The following SVIL variants were observed in gnomAD, a reference collection of about 807,000 sequenced individuals.
SVIL encodes the protein supervillin.
In SVIL, 101 loss-of-function variants were observed where a neutral mutation model predicts 240.4. The ratio of observed to expected loss-of-function variants is 0.42; its 90% CI spans 0.36 to 0.50. The LOEUF is 0.50. SVIL is among the 20% of genes least tolerant of loss of function. SVIL has a pLI of 0.01. For missense variants in SVIL, 2,512 were observed against 2,818.7 expected, an observed-to-expected ratio of 0.89 and a Z score of 2.46; for synonymous variants, 999 against 1,100.0, an observed-to-expected ratio of 0.91 and a Z score of 1.82.
At chr10:29,569,427 T>C (rs1415706502) in intron 1 of SVIL, 115 bp from the exon 2 acceptor site, 1 of 348,266 alleles carries the variant, frequency 2.9e-6, no homozygotes, top group Non-Finnish European at 4.0e-6. Context: ...AAGAAAACCA[T>C]TAACCAGACA....
rs1416551029 is a variant in SVIL at position 29,524,002 on chromosome 10, A to C, written c.2612T>G (p.Phe871Cys). 5.6e-6 allele frequency: 9 copies of C among 1,613,010 alleles called. No individual in the cohort carries two copies. The highest frequency in any genetic ancestry group is 1.7e-5 in the Admixed American group (1 of 59,870). Residue 871 changes from phenylalanine (F) to cysteine (C), a missense_variant, in exon 15 of 38, where the codon TTC becomes TGC. By Grantham distance (205) the Phe-to-Cys change is radical (BLOSUM62 -2). This residue lies in a region of SVIL where 1,443 missense variants were observed against 1,486.6 expected (regional missense o/e 0.97). Transcript: ENST00000355867. ...EQVQSGKLIP[F>C]SPAVNTSVST... ...CACTGATGTGTTCACGGCAGGTGAG[A>C]AAGGAATGAGCTTTCCACTCTGCAC... is the stretch of plus-strand genomic sequence containing the variant.
chr10:29,683,110 T>C (rs1055545273), intron 2 of SVIL, among the ~76,000 whole-genome samples: 1 of 152,210 alleles, frequency 6.6e-6, no homozygotes, highest in Non-Finnish European at 1.5e-5. Context: ...CTTCAATCAG[T>C]ACTTGTAAGA....
At chr10:29,663,011 G>C (rs193257441) in intron 2 of SVIL, among the ~76,000 whole-genome samples, 10 of 152,276 alleles carry the variant, frequency 6.6e-5, no homozygotes, top group African/African-American at 1.9e-4. Flanking sequence ...TACTTGGAAG[G>C]CTGAGGCTGG....
intron 1 of SVIL, chr10:29,602,427 G>T (rs1228102668): frequency 2.6e-6 from 1 of 386,482 alleles, no homozygotes; most frequent in African/African-American, 2.1e-5. Flanking sequence ...AGGCCCCAAA[G>T]GCTCAGAGGT....
intron 16 of SVIL, among the ~76,000 whole-genome samples, chr10:29,513,283 A>C (rs543662823): frequency 2.9e-4 from 44 of 152,354 alleles, no homozygotes; most frequent in African/African-American, 1.0e-3. Context: ...TTAAAAACAT[A>C]AAGCTGGCCA....
At position 29,506,664 on chromosome 10, in the gene SVIL, G is replaced by A. The variant is rs867522146; in HGVS notation, c.3516+6071C>T. 1.1e-3 allele frequency among the ~76,000 whole-genome samples: 106 copies of A among 99,974 alleles called. 1 individual carries two copies. Among genetic ancestry groups the A allele is most frequent in the African/African-American group, 2.3e-3 (72 of 30,724 alleles). 65.6% of individuals were successfully genotyped at this position (99,974 alleles called of 152,430 possible). The stretch of plus-strand genomic sequence containing the variant: ...GGAGGGGACAGAGGCCCTGGAGGGA[G>A]GGGACAGAGGCCCTATGAGGGAGGG... On this transcript the variant is annotated intron_variant, in intron 17 of 37. Transcript: ENST00000355867.
At position 29,459,033 on chromosome 10, in the gene SVIL, GCTTAGGCTGGT is replaced by G. The variant is rs1045718889; in HGVS notation, c.6403-455_6403-445del. 6.1e-5 allele frequency among the ~76,000 whole-genome samples: 8 copies of G among 130,980 alleles called. No homozygotes were observed. The South Asian group carries it at 1.7e-3, about 27-fold the overall frequency. The allele number at this position is 130,980 out of a possible 152,430, so 85.9% of individuals were successfully genotyped here. On this transcript the variant is annotated intron_variant, in intron 36 of 37. Coordinates refer to ENST00000355867, the MANE Select transcript of SVIL (RefSeq NM_021738.3). Reference sequence around the variant, plus strand: ...TGTAGAGACTGGGTCTTGCTATACTGCTTAGGCTGGTCTCAAACTTCTGGCCTCAAGCGATC... The same window carrying G: ...TGTAGAGACTGGGTCTTGCTATACTGCTCAAACTTCTGGCCTCAAGCGATC...
intron 2 of SVIL, among the ~76,000 whole-genome samples, chr10:29,685,502 G>A (rs950391873): frequency 9.2e-5 from 14 of 152,164 alleles, no homozygotes; most frequent in African/African-American, 3.4e-4. Context: ...TTGTCACACT[G>A]CTTTCCACGA....
At chr10:29,542,068 T>A (rs1001665749) in intron 6 of SVIL, among the ~76,000 whole-genome samples, 3 of 152,212 alleles carry the variant, frequency 2.0e-5, no homozygotes, top group Admixed American at 6.5e-5. Flanking sequence ...GCCTGCTGTG[T>A]AGTTCAGCTG....
intron 1 of SVIL, among the ~76,000 whole-genome samples, chr10:29,588,699 G>A (rs1358878745): frequency 6.6e-6 from 1 of 152,172 alleles, no homozygotes; most frequent in Non-Finnish European, 1.5e-5. Context: ...TAGGAACCGA[G>A]TCACACAAAA....
rs771875363 is a variant in SVIL, at chr10:29,551,280, T to G, written c.161-17A>C. On this transcript the variant is annotated splice_polypyrimidine_tract_variant and intron_variant, in intron 5 of 37. Transcript: ENST00000355867. Reference sequence around the variant, plus strand: ...TTGATCGGCCTACAAGAAGGTCACATGGATGAGAGGTGCAGATTTCAAGTA... The same window carrying G: ...TTGATCGGCCTACAAGAAGGTCACAGGGATGAGAGGTGCAGATTTCAAGTA... 3 of 1,567,694 alleles carry G rather than the reference T, an allele frequency of 1.9e-6. No individual in the cohort carries two copies. The East Asian group carries it at 6.7e-5, about 35-fold the overall frequency.
intron 6 of SVIL, among the ~76,000 whole-genome samples, chr10:29,549,417 G>A (rs1214352579): frequency 8.0e-6 from 1 of 125,596 alleles, no homozygotes; most frequent in Non-Finnish European, 1.7e-5. Flanking sequence ...CTTTTACACT[G>A]TTGGTGGGAC....
At chr10:29,650,988 A>G (rs983264648) in intron 3 of SVIL, among the ~76,000 whole-genome samples, 1 of 152,206 alleles carries the variant, frequency 6.6e-6, no homozygotes, top group Non-Finnish European at 1.5e-5. Context: ...ATTTCTTTTT[A>G]TCAATTTGAC....
At position 29,486,525 on chromosome 10, in the gene SVIL, C is replaced by T. The variant is rs762501547; in HGVS notation, c.4518G>A (p.Lys1506=). The change falls in exon 25 of 38, where the codon AAG becomes AAA. Residue 1506 remains lysine (K), a synonymous_variant. Transcript: ENST00000355867. ...ASELATLIQT[K]RELGCRATYI... Reference sequence around the variant, plus strand: ...AAGTAGCTCTACAACCAAGTTCCCTCTTTGTCTGAATTAAAGTTGCAAGTT... The same window carrying T: ...AAGTAGCTCTACAACCAAGTTCCCTTTTTGTCTGAATTAAAGTTGCAAGTT... 1.2e-6 allele frequency: 2 copies of T among 1,614,034 alleles called. No homozygotes were observed. The highest frequency in any genetic ancestry group is 2.7e-5 in the African/African-American group (2 of 74,924).
At chr10:29,664,867 A>T in intron 2 of SVIL, among the ~76,000 whole-genome samples, 1 of 152,168 alleles carries the variant, frequency 6.6e-6, no homozygotes, top group East Asian at 1.9e-4. Flanking sequence ...AACCTGAAGA[A>T]GTTTGCAAAT....
chr10:29,674,930 C>T (rs1960084180), intron 2 of SVIL, among the ~76,000 whole-genome samples: 1 of 152,224 alleles, frequency 6.6e-6, no homozygotes, highest in Non-Finnish European at 1.5e-5. Flanking sequence ...CTTCCTTCTT[C>T]ACTTCCGAGG....
At chr10:29,704,295 G>T (rs751195755) in intron 1 of SVIL, among the ~76,000 whole-genome samples, 7 of 152,198 alleles carry the variant, frequency 4.6e-5, no homozygotes, top group Non-Finnish European at 8.8e-5. Flanking sequence ...GTGTGTGTGT[G>T]TATGTGTGTT....
intron 1 of SVIL, among the ~76,000 whole-genome samples, chr10:29,714,348 T>A (rs1344141937): frequency 1.3e-5 from 2 of 152,220 alleles, no homozygotes; most frequent in Non-Finnish European, 2.9e-5. Context: ...GACTATGGGT[T>A]CAGATTTTAT....
chr10:29,582,411 G>A (rs1237929587), intron 1 of SVIL, among the ~76,000 whole-genome samples: 2 of 152,070 alleles, frequency 1.3e-5, no homozygotes, highest in Non-Finnish European at 2.9e-5. Flanking sequence ...ACCCACAAAG[G>A]GCTCTTAAAC....
Sources: gnomAD v4.1 joint callset for allele counts (sites outside exome capture counted in the v4.1 genomes callset) on GRCh38, gnomAD v4.1.1 for gene constraint, gnomAD v4.1.1 regional missense constraint, MANE v1.5 for transcripts, NCBI Gene and HGNC (gene_info 2026-07-23, HGNC 2026-07-21) for gene names.